ATXN1: variants seen among roughly 807,000 people sequenced by gnomAD.
The protein encoded by ATXN1 is ataxin-1.
Under a neutral mutation model 56.4 loss-of-function variants are expected in ATXN1, and 8 were observed. The observed-to-expected ratio is 0.14, with a 90% CI of 0.08 to 0.26. The LOEUF (loss-of-function observed/expected upper bound fraction) is 0.26. ATXN1 is among the 10% of genes least tolerant of loss of function. ATXN1 has a pLI of 1.00. For missense variants in ATXN1, 987 were observed against 1,106.5 expected (o/e 0.89, Z 1.53); for synonymous variants, 514 against 494.6 (o/e 1.04, Z -0.52).
In ATXN1 at chr6:16,425,627, G is replaced by C. The variant is rs543091166; in HGVS notation, c.-161+60345C>G. Reference sequence around the variant, plus strand: ...AAGCTTCAGTATAGACATTTATCTTGTAAGTAACAAAGAGATGGGAAGATT... The same window carrying C: ...AAGCTTCAGTATAGACATTTATCTTCTAAGTAACAAAGAGATGGGAAGATT... On this transcript the variant is annotated intron_variant, in intron 6 of 7. Coordinates refer to ENST00000436367, the MANE Select transcript of ATXN1 (RefSeq NM_001128164.2). 2.6e-5 allele frequency among the ~76,000 whole-genome samples: 4 copies of C among 152,294 alleles called. No individual in the cohort carries two copies. The South Asian group carries it at 8.3e-4, about 32-fold the overall frequency.
chr6:16,684,067 G>T (rs1294969543), intron 2 of ATXN1, among the ~76,000 whole-genome samples: 1 of 152,168 alleles, frequency 6.6e-6, no homozygotes, highest in Non-Finnish European at 1.5e-5. Flanking sequence ...CCATGATCAC[G>T]CTTGAAGGCA....
chr6:16,393,330 G>A, intron 6 of ATXN1, among the ~76,000 whole-genome samples: 1 of 151,974 alleles, frequency 6.6e-6, no homozygotes. Flanking sequence ...AAACTCCTGG[G>A]CTCAAGCAAT....
At chr6:16,633,530 T>C (rs935265720) in intron 3 of ATXN1, among the ~76,000 whole-genome samples, 1 of 152,134 alleles carries the variant, frequency 6.6e-6, no homozygotes, top group East Asian at 1.9e-4. Flanking sequence ...TTTAAACTCT[T>C]AACCAATGCC....
At chr6:16,547,950 A>T (rs569403069) in intron 4 of ATXN1, among the ~76,000 whole-genome samples, 1 of 152,258 alleles carries the variant, frequency 6.6e-6, no homozygotes, top group Non-Finnish European at 1.5e-5. Flanking sequence ...ATACCTCCTC[A>T]TCCTCACCTA....
intron 3 of ATXN1, among the ~76,000 whole-genome samples, chr6:16,617,434 A>T (rs1763234673): frequency 6.6e-6 from 1 of 152,118 alleles, no homozygotes; most frequent in Non-Finnish European, 1.5e-5. Flanking sequence ...GAAAAAAAAT[A>T]TATGAAAGAA....
intron 3 of ATXN1, among the ~76,000 whole-genome samples, chr6:16,594,805 A>G (rs1762786259): frequency 6.6e-6 from 1 of 152,178 alleles, no homozygotes; most frequent in South Asian, 2.1e-4. Flanking sequence ...CTAAATATCC[A>G]TAAAGAAATA....
chr6:16,622,258 T>G (rs1470606482), intron 3 of ATXN1, among the ~76,000 whole-genome samples: 1 of 152,050 alleles, frequency 6.6e-6, no homozygotes, highest in Non-Finnish European at 1.5e-5. Context: ...TATTTTAGAG[T>G]AATGCAAAGA....
intron 1 of ATXN1, among the ~76,000 whole-genome samples, chr6:16,757,600 G>C (rs1055743858): frequency 2.6e-5 from 4 of 152,186 alleles, no homozygotes; most frequent in African/African-American, 9.7e-5. Context: ...CCTGGGAATA[G>C]AGTTGAGTAG....
At chr6:16,554,109 G>A (rs892184916) in intron 4 of ATXN1, among the ~76,000 whole-genome samples, 31 of 152,320 alleles carry the variant, frequency 2.0e-4, no homozygotes, top group Middle Eastern at 3.4e-3. Flanking sequence ...ATTAGGATAT[G>A]TCTATGCCAC....
At chr6:16,537,854 G>A (rs777056972) in intron 4 of ATXN1, among the ~76,000 whole-genome samples, 1 of 152,118 alleles carries the variant, frequency 6.6e-6, no homozygotes, top group Non-Finnish European at 1.5e-5. Flanking sequence ...TGTAATACCA[G>A]CACTTTGGGA....
intron 3 of ATXN1, among the ~76,000 whole-genome samples, chr6:16,587,263 TCCTG>T (rs1263230445): frequency 2.6e-5 from 4 of 152,116 alleles, no homozygotes; most frequent in African/African-American, 9.7e-5. Context: ...AAAATCCACG[TCCTG>T]CCTAAGCGGC....
At chr6:16,496,425 C>G (rs938265804) in intron 5 of ATXN1, among the ~76,000 whole-genome samples, 1 of 152,088 alleles carries the variant, frequency 6.6e-6, no homozygotes. Flanking sequence ...ATGAATGTGG[C>G]GCTGAAGATT....
intron 6 of ATXN1, among the ~76,000 whole-genome samples, chr6:16,392,644 C>T (rs1470298406): frequency 6.6e-6 from 1 of 151,870 alleles, no homozygotes; most frequent in African/African-American, 2.4e-5. Flanking sequence ...TACAGGCGCC[C>T]GCCACCACAC....
intron 6 of ATXN1, among the ~76,000 whole-genome samples, chr6:16,481,095 T>C (rs1352126951): frequency 1.3e-5 from 2 of 152,166 alleles, no homozygotes; most frequent in African/African-American, 4.8e-5. Flanking sequence ...CTAGAAGACT[T>C]GAAGCTATCC....
chr6:16,573,990 C>T (rs181983135), intron 4 of ATXN1, among the ~76,000 whole-genome samples: 71 of 152,274 alleles, frequency 4.7e-4, no homozygotes, highest in Non-Finnish European at 1.6e-4. Context: ...TCTATAATTG[C>T]TTCCTGTGGA....
chr6:16,745,933 CGTGTGTGT>C (rs60773814), intron 2 of ATXN1, among the ~76,000 whole-genome samples: 26,409 of 147,126 alleles, frequency 0.18, 3,025 homozygotes, highest in African/African-American at 0.32. Context: ...CTATGCCTTC[CGTGTGTGT>C]GTGTGTGTGT....
At chr6:16,533,904 G>A (rs959484404) in intron 4 of ATXN1, among the ~76,000 whole-genome samples, 4 of 152,070 alleles carry the variant, frequency 2.6e-5, no homozygotes, top group Non-Finnish European at 4.4e-5. Context: ...GATTACTCAG[G>A]TATCATCCTT....
At position 16,662,652 on chromosome 6, in the gene ATXN1, C is replaced by T. The variant is rs118108568; in HGVS notation, c.-614-4751G>A. ...CCCGGCCATTCATCAGGCTTCTTAA[C>T]CTGCCACATAGCTCTACAATTCTTG... On this transcript the variant is annotated intron_variant, in intron 2 of 7. Coordinates refer to ENST00000436367, the MANE Select transcript of ATXN1 (RefSeq NM_001128164.2). Among the ~76,000 whole-genome samples the T allele has an allele frequency of 7.3e-4, 111 of 152,276 alleles. 2 individuals are homozygous for T. In the East Asian group the frequency reaches 0.018, roughly 24 times the overall value.
intron 3 of ATXN1, among the ~76,000 whole-genome samples, chr6:16,634,324 GTTCTCCTCTT>G (rs1404911555): frequency 6.6e-6 from 1 of 152,012 alleles, no homozygotes; most frequent in Non-Finnish European, 1.5e-5. Flanking sequence ...TCTTGAGCAG[GTTCTCCTCTT>G]TTCTGGGCCT....
Sources: gnomAD v4.1 joint callset for allele counts (sites outside exome capture counted in the v4.1 genomes callset) on GRCh38, gnomAD v4.1.1 for gene constraint, MANE v1.5 for transcripts, NCBI Gene and HGNC (gene_info 2026-07-23, HGNC 2026-07-21) for gene names.